Variants in TCOF1 observed in about 807,000 individuals in gnomAD.
The protein encoded by TCOF1 is treacle protein.
TCOF1 carries 33 observed loss-of-function variants against 149.0 expected under a neutral mutation model. The observed-to-expected ratio is 0.22, with a 90% CI of 0.17 to 0.30. The LOEUF is 0.30. TCOF1 is among the 10% of genes least tolerant of loss of function. The probability of loss-of-function intolerance (pLI) is 1.00; values close to 1 mark genes in which losing one functional copy is unlikely to be tolerated. For missense variants in TCOF1, 1,728 were observed against 1,840.7 expected (o/e 0.94, Z 1.12); for synonymous variants, 789 against 738.8 (o/e 1.07, Z -1.10).
At chr5:150,383,965 GA>G in intron 17 of TCOF1, 1 of 1,440,446 alleles carries the variant, frequency 6.9e-7, no homozygotes, top group Non-Finnish European at 9.1e-7. Flanking sequence ...CCTTCCATCA[GA>G]CAGCATTACC....
At chr5:150,368,520 TC>T in intron 4 of TCOF1, 195 bp from the exon 5 acceptor site, 1 of 614,528 alleles carries the variant, frequency 1.6e-6, no homozygotes, top group South Asian at 2.0e-5. Flanking sequence ...GAACTGGGAT[TC>T]TGTTTTCTCA....
chr5:150,383,645 C>A, intron 17 of TCOF1: 1 of 1,299,674 alleles, frequency 7.7e-7, no homozygotes, highest in Non-Finnish European at 1.1e-6. Flanking sequence ...AGAGTTGAAG[C>A]AGTTTCCCCA....
At chr5:150,366,394 T>C (rs1243792246) in intron 3 of TCOF1, among the ~76,000 whole-genome samples, 1 of 152,148 alleles carries the variant, frequency 6.6e-6, no homozygotes, top group Non-Finnish European at 1.5e-5. Flanking sequence ...AGAAACATGC[T>C]GAAGTATTTG....
intron 1 of TCOF1, among the ~76,000 whole-genome samples, chr5:150,358,595 G>A (rs990147510): frequency 2.0e-5 from 3 of 152,164 alleles, no homozygotes; most frequent in Non-Finnish European, 2.9e-5. Context: ...CCAGCACTTA[G>A]GGAGGCCGAG....
intron 3 of TCOF1, chr5:150,364,875 C>G (rs1760978216): frequency 1.3e-5 from 2 of 152,986 alleles, no homozygotes; most frequent in South Asian, 2.1e-4. Flanking sequence ...ATAGAAGACA[C>G]ATTTCTTAAT....
chr5:150,388,434 C>G (rs1336892435), intron 18 of TCOF1, among the ~76,000 whole-genome samples: 2 of 152,150 alleles, frequency 1.3e-5, no homozygotes, highest in Admixed American at 6.5e-5. Flanking sequence ...GCTTCCCGTC[C>G]TTGGTGGCAT....
chr5:150,368,544 A>T (rs542303609), intron 4 of TCOF1, 172 bp from the exon 5 acceptor site: 2 of 688,236 alleles, frequency 2.9e-6, no homozygotes, highest in African/African-American at 1.8e-5. Flanking sequence ...ACCTCTGGTG[A>T]GAGGAGGTGC....
In TCOF1 at chr5:150,383,126, C is replaced by T. The variant is rs558585818; in HGVS notation, c.2859+3394C>T. ...GCCCCAGCACCCCCAGAGAGGAACA[C>T]GGAGGGGTCCTCGGAGAGCAGTGAG... is the stretch of plus-strand genomic sequence containing the variant. On this transcript the variant is annotated intron_variant, in intron 17 of 26. Coordinates refer to ENST00000643257, the MANE Select transcript of TCOF1 (RefSeq NM_001371623.1). The T allele has an allele frequency of 5.5e-5, 84 of 1,536,086 alleles. No homozygotes were observed. The Admixed American group carries it at 9.6e-4, about 18-fold the overall frequency.
intron 17 of TCOF1, chr5:150,380,079 A>G (rs1285525411): frequency 1.5e-5 from 4 of 264,950 alleles, no homozygotes; most frequent in Admixed American, 4.9e-5. Context: ...TCAAAAAAAA[A>G]AAAAAAGAAA....
chr5:150,379,333 G>A lies in TCOF1; in HGVS notation c.2583G>A (p.Gln861=), dbSNP rs1365099283. The part of the protein sequence containing the change: ...GKAVATAAQA[Q]TGPEEDSGSS... ...CCGTGGCTACAGCAGCTCAGGCCCA[G>A]ACAGGGCCAGAGGAGGACTCAGGGA... The change falls in exon 16 of 27, where the codon CAG becomes CAA. Residue 861 remains glutamine (Q), a synonymous_variant. Transcript: ENST00000643257. 2 of 1,614,254 alleles carry A rather than the reference G, an allele frequency of 1.2e-6. No homozygotes were observed. Among genetic ancestry groups the A allele is most frequent in the Non-Finnish European group, 1.7e-6 (2 of 1,180,044 alleles).
intron 14 of TCOF1, chr5:150,378,642 A>C: frequency 3.9e-6 from 2 of 516,496 alleles, no homozygotes; most frequent in Non-Finnish European, 7.0e-6. Context: ...TTGAGTGTTT[A>C]TTATGTTCCA....
In TCOF1 at chr5:150,368,696, G is replaced by A. The variant is rs767536640; in HGVS notation, c.379-20G>A. The stretch of plus-strand genomic sequence containing the variant: ...TCACCATGCCATACCAGATGTGTCT[G>A]TCACTCTTGTTCTCTGTAGGCAGAG... On this transcript the variant is annotated intron_variant, in intron 4 of 26. Transcript: ENST00000643257. 6 of 1,613,878 alleles carry A rather than the reference G, an allele frequency of 3.7e-6. No homozygotes were observed. In the South Asian group the frequency reaches 6.6e-5, roughly 18 times the overall value.
In TCOF1 at chr5:150,379,307, G is replaced by T. The variant is rs756025007; in HGVS notation, c.2557G>T (p.Ala853Ser). The T allele has an allele frequency of 6.2e-7, 1 of 1,614,254 alleles. No individual in the cohort carries two copies. Among genetic ancestry groups the T allele is most frequent in the African/African-American group, 1.3e-5 (1 of 75,062 alleles). Reference protein sequence around the residue: ...GPASVPSVGKAVATAAQAQTG... With the variant: ...GPASVPSVGKSVATAAQAQTG... ...AGCATCTGTGCCATCTGTGGGGAAG[G>T]CCGTGGCTACAGCAGCTCAGGCCCA... The change falls in exon 16 of 27, where the codon GCC becomes TCC. Residue 853 changes from alanine to serine, a missense_variant. By Grantham distance (99) the Ala-to-Ser change is moderately conservative (BLOSUM62 1). Coordinates refer to ENST00000643257, the MANE Select transcript of TCOF1 (RefSeq NM_001371623.1).
rs1280649961 is a variant in TCOF1 at position 150,372,189 on chromosome 5, G to A, written c.823G>A (p.Glu275Lys). Reference sequence around the variant, plus strand: ...AGAAGAGGAGTCAGAGAGTAGTGAGGAGGGATCTGAAAGTGAGGAGGAGGC... The same window carrying A: ...AGAAGAGGAGTCAGAGAGTAGTGAGAAGGGATCTGAAAGTGAGGAGGAGGC... Reference protein sequence around the residue: ...KPEEESESSEEGSESEEEAPA... With the variant: ...KPEEESESSEKGSESEEEAPA... The change falls in exon 7 of 27, where the codon GAG becomes AAG. Residue 275 changes from glutamate to lysine, a missense_variant. Coordinates refer to ENST00000643257, the MANE Select transcript of TCOF1 (RefSeq NM_001371623.1). The A allele has an allele frequency of 3.7e-6, 6 of 1,602,150 alleles. No individual in the cohort carries two copies. Among genetic ancestry groups the A allele is most frequent in the Non-Finnish European group, 3.4e-6 (4 of 1,169,558 alleles).
chr5:150,381,705 A>G (rs968471085), intron 17 of TCOF1, among the ~76,000 whole-genome samples: 2 of 152,226 alleles, frequency 1.3e-5, no homozygotes, highest in African/African-American at 4.8e-5. Context: ...TCTTAGTCAG[A>G]ATGGCCTAAT....
intron 14 of TCOF1, chr5:150,378,586 G>A (rs964208232): frequency 2.7e-6 from 1 of 372,740 alleles, no homozygotes; most frequent in African/African-American, 2.1e-5. Context: ...TCTGTTTTAG[G>A]TAGTCTTGTG....
At chr5:150,383,890 TC>T in intron 17 of TCOF1, 1 of 1,536,262 alleles carries the variant, frequency 6.5e-7, no homozygotes, top group South Asian at 1.2e-5. Context: ...CACCTTATCT[TC>T]CTGTACTCCA....
Position 150,396,500 on chromosome 5 carries a change from A to G in TCOF1, c.4003A>G (p.Thr1335Ala). The change falls in exon 24 of 27, where the codon ACC (threonine) becomes GCC (alanine). Residue 1335 changes from threonine (T) to alanine (A), a missense_variant. Coordinates refer to ENST00000643257, the MANE Select transcript of TCOF1 (RefSeq NM_001371623.1). ...EQERKKVVDTTKESSRKGWES... is the reference protein window; with the variant it reads ...EQERKKVVDTAKESSRKGWES... ...GGAAAGAAAGAAGGTGGTGGACACC[A>G]CCAAGGAGAGCAGCAGGAAGGGCTG... is the stretch of plus-strand genomic sequence containing the variant. 1 of 1,613,140 alleles carries G rather than the reference A, an allele frequency of 6.2e-7. No individual in the cohort carries two copies. Among genetic ancestry groups the G allele is most frequent in the Non-Finnish European group, 8.5e-7 (1 of 1,179,668 alleles).
In TCOF1 at chr5:150,393,597, C is replaced by G. The variant is rs199505968; in HGVS notation, c.3784+45C>G. The G allele has an allele frequency of 4.7e-5, 76 of 1,612,726 alleles. 1 individual carries two copies. The highest frequency in any genetic ancestry group is 4.5e-4 in the African/African-American group (34 of 75,024). ...AGGGACATAGCAGGACACAGAGGGA[C>G]AGGGCAGTGGGCCCCTTCTTGCCCT... is the stretch of plus-strand genomic sequence containing the variant. On this transcript the variant is annotated intron_variant, in intron 23 of 26. Coordinates refer to ENST00000643257, the MANE Select transcript of TCOF1 (RefSeq NM_001371623.1).
Sources: allele counts gnomAD v4.1 joint callset (sites outside exome capture counted in the v4.1 genomes callset), GRCh38; gene constraint gnomAD v4.1.1; transcripts MANE v1.5; gene names NCBI Gene and HGNC (gene_info 2026-07-23, HGNC 2026-07-21).